The following SGCD variants were observed in gnomAD, a reference collection of about 807,000 sequenced individuals.
SGCD encodes delta-sarcoglycan.
Under a neutral mutation model 36.6 loss-of-function variants are expected in SGCD, and 18 were observed. That is an observed-to-expected ratio of 0.49 (90% CI 0.34 to 0.73). SGCD has a LOEUF of 0.73. Among genes scored for constraint, SGCD ranks in the 30% least tolerant of loss-of-function variants. The pLI is 0.01. For missense variants in SGCD, 387 were observed against 346.7 expected (o/e 1.12, Z -0.92); for synonymous variants, 133 against 130.6 (o/e 1.02, Z -0.12).
chr5:156,141,628 A>G (rs1762583805), intron 3 of SGCD, among the ~76,000 whole-genome samples: 1 of 152,252 alleles, frequency 6.6e-6, no homozygotes, highest in African/African-American at 2.4e-5. Context: ...CCTCAGAGAT[A>G]CAAGATAAAT....
rs748207245 is a variant in SGCD at position 156,639,925 on chromosome 5, C to G, written c.503-7539C>G. Among the ~76,000 whole-genome samples the G allele has an allele frequency of 2.0e-5, 3 of 151,874 alleles. No individual in the cohort carries two copies. The East Asian group carries it at 5.8e-4, about 29-fold the overall frequency. ...CCCTTAAAATTCTGACATTGGCTCT[C>G]CTTTTACTTTTACATTACTCTAACC... On this transcript the variant is annotated intron_variant, in intron 6 of 8. Transcript: ENST00000337851.
intron 5 of SGCD, among the ~76,000 whole-genome samples, chr5:156,592,199 G>A (rs1760750315): frequency 1.3e-5 from 2 of 151,890 alleles, no homozygotes; most frequent in Admixed American, 6.6e-5. Context: ...AGAAGTCCAA[G>A]CATGTGTGTC....
At chr5:156,516,254 C>T (rs1418369781) in intron 4 of SGCD, among the ~76,000 whole-genome samples, 3 of 152,154 alleles carry the variant, frequency 2.0e-5, no homozygotes, top group Admixed American at 2.0e-4. Flanking sequence ...TAGGGGTTGC[C>T]AGATATTTTA....
At chr5:156,530,764 A>C (rs1377329056) in intron 4 of SGCD, among the ~76,000 whole-genome samples, 5 of 152,020 alleles carry the variant, frequency 3.3e-5, no homozygotes, top group African/African-American at 7.2e-5. Context: ...GTTTTCTAGT[A>C]GAGATGGGTT....
At chr5:156,189,687 G>T (rs1763843709) in intron 3 of SGCD, among the ~76,000 whole-genome samples, 1 of 151,914 alleles carries the variant, frequency 6.6e-6, no homozygotes, top group African/African-American at 2.4e-5. Context: ...GAAAATAAAT[G>T]AGGCCAAAAA....
intron 3 of SGCD, among the ~76,000 whole-genome samples, chr5:156,266,975 T>C (rs1766013608): frequency 6.6e-6 from 1 of 152,182 alleles, no homozygotes; most frequent in African/African-American, 2.4e-5. Context: ...TACTGTAAGA[T>C]ATCAGATTTA....
intron 7 of SGCD, among the ~76,000 whole-genome samples, chr5:156,701,079 C>A (rs1436620308): frequency 5.3e-5 from 8 of 152,110 alleles, no homozygotes; most frequent in African/African-American, 1.4e-4. Flanking sequence ...CATCCCTCTG[C>A]TGATGACTCT....
chr5:156,524,093 ACTATATATATATATATAT>A (rs1757529632), intron 4 of SGCD, among the ~76,000 whole-genome samples: 1 of 62,470 alleles, frequency 1.6e-5, no homozygotes, highest in African/African-American at 6.3e-5. Context: ...GTGAGGTCTT[ACTATATATATATATATAT>A]ATATATATAT....
At chr5:155,857,486 C>T in the SGCD span, among the ~76,000 whole-genome samples, 1 of 152,032 alleles carries the variant, frequency 6.6e-6, no homozygotes, top group Non-Finnish European at 1.5e-5. Flanking sequence ...TACAGAACAA[C>T]AAAGATGAAT....
chr5:156,145,668 GTA>G (rs1554080053), intron 3 of SGCD, among the ~76,000 whole-genome samples: 1 of 152,116 alleles, frequency 6.6e-6, no homozygotes, highest in Non-Finnish European at 1.5e-5. Flanking sequence ...TTGGTTAAAA[GTA>G]TAGAGTCCAA....
At chr5:155,950,679 G>C (rs1268705864) in intron 1 of SGCD, among the ~76,000 whole-genome samples, 1 of 152,128 alleles carries the variant, frequency 6.6e-6, no homozygotes, top group Non-Finnish European at 1.5e-5. Context: ...CCAGGCCCCT[G>C]TATACCTGAG....
intron 3 of SGCD, among the ~76,000 whole-genome samples, chr5:156,203,238 T>C (rs912967922): frequency 2.0e-5 from 3 of 152,154 alleles, no homozygotes; most frequent in African/African-American, 7.2e-5. Context: ...CTGTATCCTC[T>C]TTTTGCAAAT....
chr5:155,856,201 G>A, the SGCD span, among the ~76,000 whole-genome samples: 48 of 152,120 alleles, frequency 3.2e-4, no homozygotes, highest in African/African-American at 9.2e-4. Flanking sequence ...GTATATACAC[G>A]CACTATACAT....
At chr5:156,254,375 T>C (rs1050693503) in intron 3 of SGCD, among the ~76,000 whole-genome samples, 3 of 152,188 alleles carry the variant, frequency 2.0e-5, no homozygotes, top group Non-Finnish European at 4.4e-5. Flanking sequence ...CCCTCCCCGC[T>C]CCCCTGGGAA....
chr5:156,333,354 A>G (rs1768160592), intron 2 of SGCD, among the ~76,000 whole-genome samples: 1 of 152,218 alleles, frequency 6.6e-6, no homozygotes, highest in Non-Finnish European at 1.5e-5. Flanking sequence ...ACTTAGAGTA[A>G]CTTTCACTCT....
chr5:156,728,596 G>GC (rs771601675), intron 7 of SGCD, among the ~76,000 whole-genome samples: 137 of 148,360 alleles, frequency 9.2e-4, no homozygotes, highest in East Asian at 4.7e-3. Flanking sequence ...TATCAGCAGT[G>GC]CCCCCCCACC....
intron 3 of SGCD, among the ~76,000 whole-genome samples, chr5:156,281,080 A>G (rs1247950377): frequency 2.0e-5 from 3 of 152,190 alleles, no homozygotes; most frequent in East Asian, 1.9e-4. Flanking sequence ...TCGAGGGACT[A>G]TCTAAGTGAT....
chr5:156,075,575 G>A lies in SGCD; in HGVS notation c.-281-42303G>A, dbSNP rs560749991. 2.6e-5 allele frequency among the ~76,000 whole-genome samples: 4 copies of A among 152,302 alleles called. No individual in the cohort carries two copies. In the South Asian group the frequency reaches 6.2e-4, roughly 24 times the overall value. On this transcript the variant is annotated intron_variant, in intron 1 of 9. Transcript: ENST00000517913. The stretch of plus-strand genomic sequence containing the variant: ...ATCTGTATAAAGGTTGTTGAATAGA[G>A]AGGTGAACAAATTCTATTGATATTT...
At chr5:156,159,752 A>G (rs1763046959) in intron 3 of SGCD, among the ~76,000 whole-genome samples, 1 of 151,688 alleles carries the variant, frequency 6.6e-6, no homozygotes, top group Non-Finnish European at 1.5e-5. Flanking sequence ...ATATTTACAC[A>G]GATATTTTTC....
Sources: allele counts gnomAD v4.1 joint callset (sites outside exome capture counted in the v4.1 genomes callset), GRCh38; gene constraint gnomAD v4.1.1; transcripts MANE v1.5; gene names NCBI Gene and HGNC (gene_info 2026-07-23, HGNC 2026-07-21).